The following NELL2 variants were observed in gnomAD, a reference collection of about 807,000 sequenced individuals.
The protein encoded by NELL2 is neural EGFL like 2, also known as protein kinase C-binding protein NELL2.
A neutral mutation model predicts 109.6 loss-of-function variants in NELL2; 41 were observed. The observed-to-expected ratio is 0.37, with a 90% CI of 0.29 to 0.49. NELL2 has a LOEUF of 0.49. Among genes scored for constraint, NELL2 ranks in the 20% least tolerant of loss-of-function variants. NELL2 has a pLI of 0.98. For missense variants in NELL2, 900 were observed against 1,008.3 expected (o/e 0.89, Z 1.45); for synonymous variants, 355 against 344.7 (o/e 1.03, Z -0.33).
intron 9 of NELL2, among the ~76,000 whole-genome samples, chr12:44,748,286 TCAA>T (rs570300540): frequency 1.1e-4 from 16 of 152,260 alleles, no homozygotes; most frequent in East Asian, 1.9e-4. Context: ...TGAAATGTAC[TCAA>T]CAACAACAAC....
Position 44,728,867 on chromosome 12 carries a change from C to G in NELL2, c.995-14126G>C, listed in dbSNP as rs375828211. 1.4e-4 allele frequency among the ~76,000 whole-genome samples: 21 copies of G among 152,130 alleles called. No homozygotes were observed. In the East Asian group the frequency reaches 1.5e-3, roughly 11 times the overall value. On this transcript the variant is annotated intron_variant, in intron 9 of 19. Coordinates refer to ENST00000429094, the MANE Select transcript of NELL2 (RefSeq NM_001145108.2). ...AAGAAAAATCCACCAACCAAGAATA[C>G]TATACATAGCCAAACTGTCCTTCAA...
intron 15 of NELL2, among the ~76,000 whole-genome samples, chr12:44,550,431 T>G (rs529275193): frequency 6.7e-6 from 1 of 150,044 alleles, no homozygotes; most frequent in African/African-American, 2.4e-5. Flanking sequence ...TTTTTTTGTA[T>G]TTTTCAGGAG....
At chr12:44,794,763 T>C (rs564862168) in intron 3 of NELL2, among the ~76,000 whole-genome samples, 2 of 152,328 alleles carry the variant, frequency 1.3e-5, no homozygotes, top group South Asian at 4.1e-4. Flanking sequence ...GTTTGAGTGA[T>C]AGAACTATGA....
chr12:44,770,191 A>G (rs1455088797), intron 9 of NELL2, among the ~76,000 whole-genome samples: 1 of 152,178 alleles, frequency 6.6e-6, no homozygotes. Context: ...AAGCTAATGA[A>G]CTAATGAGAT....
rs145394341 is a variant in NELL2, at chr12:44,600,617, C to G, written c.1663+6552G>C. 3.6e-3 allele frequency among the ~76,000 whole-genome samples: 554 copies of G among 152,286 alleles called. 3 individuals are homozygous for G. The highest frequency in any genetic ancestry group is 0.02 in the Middle Eastern group (6 of 294). On this transcript the variant is annotated intron_variant, in intron 15 of 19. Coordinates refer to ENST00000429094, the MANE Select transcript of NELL2 (RefSeq NM_001145108.2). ...TCAGCCAACACATGGGGGCACCCCC[C>G]AAAAAGAGAAAGATCTTGGCCCTAA...
intron 1 of NELL2, among the ~76,000 whole-genome samples, chr12:44,904,793 T>TATTTTACTGTA (rs1945701720): frequency 6.6e-6 from 1 of 152,136 alleles, no homozygotes; most frequent in East Asian, 1.9e-4. Context: ...GCTGTAAATA[T>TATTTTACTGTA]AATCAAATTA....
intron 15 of NELL2, among the ~76,000 whole-genome samples, chr12:44,591,712 A>G (rs1944757837): frequency 6.6e-6 from 1 of 152,182 alleles, no homozygotes; most frequent in African/African-American, 2.4e-5. Flanking sequence ...TAGAGTGATT[A>G]TATTTAATAA....
intron 12 of NELL2, among the ~76,000 whole-genome samples, chr12:44,692,706 T>C (rs553020053): frequency 1.3e-5 from 2 of 152,114 alleles, no homozygotes; most frequent in Non-Finnish European, 2.9e-5. Context: ...CCAGCCCTCA[T>C]AGATGACTTT....
At position 44,865,826 on chromosome 12, in the gene NELL2, T is replaced by TA. The variant is rs71435994; in HGVS notation, c.184+9398dup. On this transcript the variant is annotated intron_variant, in intron 2 of 19. Transcript: ENST00000429094. ...CTTTAAGTATAATAAAAAAAAAAAT[T>TA]AAAAAAAAAAAGTTTTAACAAATTT... is the stretch of plus-strand genomic sequence containing the variant. Among the ~76,000 whole-genome samples the TA allele has an allele frequency of 1.3e-4, 18 of 142,556 alleles. 1 individual carries two copies. The highest frequency in any genetic ancestry group is 9.0e-4 in the Admixed American group (13 of 14,474). The allele number at this position is 142,556 out of a possible 152,430, so 93.5% of individuals were successfully genotyped here.
At chr12:44,530,340 A>C (rs556322326) in intron 16 of NELL2, among the ~76,000 whole-genome samples, 10 of 152,306 alleles carry the variant, frequency 6.6e-5, no homozygotes, top group Non-Finnish European at 1.0e-4. Flanking sequence ...AGAGAAAGGA[A>C]GCAGTATCCA....
chr12:44,611,099 A>C, intron 13 of NELL2, 129 bp from the exon 14 acceptor site: 2 of 855,972 alleles, frequency 2.3e-6, no homozygotes, highest in South Asian at 3.5e-5. Flanking sequence ...TATAAATTAT[A>C]GAAGAGCTCA....
chr12:44,877,871 G>A (rs1488983376), upstream of NELL2, among the ~76,000 whole-genome samples: 5 of 152,034 alleles, frequency 3.3e-5, no homozygotes, highest in African/African-American at 1.2e-4. Context: ...TCCCAAATTT[G>A]AAAAACTATG....
chr12:44,618,773 A>G (rs1023941665), intron 13 of NELL2, among the ~76,000 whole-genome samples: 5 of 152,232 alleles, frequency 3.3e-5, no homozygotes, highest in African/African-American at 1.2e-4. Flanking sequence ...CATAACAAAG[A>G]AAACAATAAC....
intron 15 of NELL2, among the ~76,000 whole-genome samples, chr12:44,533,494 A>T (rs1409138190): frequency 1.3e-5 from 2 of 152,176 alleles, no homozygotes; most frequent in East Asian, 3.9e-4. Context: ...TATGGGATTT[A>T]ACCAAAGTCA....
intron 12 of NELL2, among the ~76,000 whole-genome samples, chr12:44,687,110 C>T (rs1948745261): frequency 6.6e-6 from 1 of 152,202 alleles, no homozygotes; most frequent in South Asian, 2.1e-4. Context: ...TCTCCTGGTG[C>T]ACCATTTTTT....
chr12:44,896,652 T>A (rs1945596287), intron 1 of NELL2, among the ~76,000 whole-genome samples: 1 of 152,140 alleles, frequency 6.6e-6, no homozygotes, highest in Non-Finnish European at 1.5e-5. Flanking sequence ...ATGTACTAGA[T>A]GAGCACAAGA....
intron 19 of NELL2, among the ~76,000 whole-genome samples, chr12:44,509,263 A>C (rs1467384204): frequency 6.6e-6 from 1 of 152,204 alleles, no homozygotes; most frequent in African/African-American, 2.4e-5. Flanking sequence ...TACTAAGTCT[A>C]TGTAAGCACT....
In NELL2 at chr12:44,804,507, G is replaced by A. The variant is rs988079092; in HGVS notation, c.335+11479C>T. On this transcript the variant is annotated intron_variant, in intron 3 of 19. Transcript: ENST00000429094. ...TTCACATGGACTTTTTAAAAAGGTAGACACTTAATCGTAACTAAAGGAAAT... is the reference window on the plus strand; with the variant it reads ...TTCACATGGACTTTTTAAAAAGGTAAACACTTAATCGTAACTAAAGGAAAT... Among the ~76,000 whole-genome samples, 38 of 151,848 alleles carry A rather than the reference G, an allele frequency of 2.5e-4. 1 individual carries two copies. The highest frequency in any genetic ancestry group is 6.6e-4 in the Admixed American group (10 of 15,212).
intron 9 of NELL2, among the ~76,000 whole-genome samples, chr12:44,764,125 G>A (rs1179994820): frequency 6.6e-6 from 1 of 152,142 alleles, no homozygotes; most frequent in East Asian, 1.9e-4. Context: ...AAGCTTTTGG[G>A]ACCAAAGAAG....
Sources: gnomAD v4.1 joint callset for allele counts (sites outside exome capture counted in the v4.1 genomes callset) on GRCh38, gnomAD v4.1.1 for gene constraint, MANE v1.5 for transcripts, NCBI Gene and HGNC (gene_info 2026-07-23, HGNC 2026-07-21) for gene names.